The following INPP4B variants were observed in gnomAD, a reference collection of about 807,000 sequenced individuals.
The protein encoded by INPP4B is inositol polyphosphate-4-phosphatase type II B, also known as inositol polyphosphate 4-phosphatase type II.
In INPP4B, 55 loss-of-function variants were observed where a neutral mutation model predicts 122.5. The ratio of observed to expected loss-of-function variants is 0.45; its 90% CI spans 0.36 to 0.56. The LOEUF (loss-of-function observed/expected upper bound fraction) is 0.56, where lower values mean the gene tolerates loss of function less well. Ranked by LOEUF, INPP4B falls within the 20% of genes least tolerant of loss-of-function variation. INPP4B has a pLI of 0.00. For synonymous variants in INPP4B, 403 were observed against 388.7 expected (o/e 1.04, Z -0.43); for missense variants, 1,000 against 1,097.7 (o/e 0.91, Z 1.26).
chr4:142,396,223 G>A (rs533894050), intron 7 of INPP4B, among the ~76,000 whole-genome samples: 13 of 152,128 alleles, frequency 8.5e-5, no homozygotes, highest in African/African-American at 3.1e-4. Context: ...TACAACAAAA[G>A]CACTTGTATC....
At chr4:142,329,688 G>T (rs1273933921) in intron 7 of INPP4B, among the ~76,000 whole-genome samples, 3 of 152,138 alleles carry the variant, frequency 2.0e-5, no homozygotes, top group African/African-American at 7.2e-5. Context: ...GTAGCCTTGA[G>T]TTGTTTCCAA....
chr4:142,757,533 G>C (rs1770677820), intron 1 of INPP4B, among the ~76,000 whole-genome samples: 1 of 152,068 alleles, frequency 6.6e-6, no homozygotes, highest in Non-Finnish European at 1.5e-5. Context: ...GAATCATACA[G>C]CATATAACCT....
chr4:142,179,472 C>CAAAAA (rs71586262), intron 15 of INPP4B, among the ~76,000 whole-genome samples: 1 of 73,106 alleles, frequency 1.4e-5, no homozygotes, highest in Admixed American at 1.8e-4. Flanking sequence ...AACTCCATCT[C>CAAAAA]AAAAAAAAAA....
At chr4:142,583,705 A>G (rs1044551376) in intron 2 of INPP4B, 5 of 152,132 alleles carry the variant, frequency 3.3e-5, no homozygotes, top group Non-Finnish European at 7.4e-5. Context: ...TGAATATTTA[A>G]TTTAACAAGT....
intron 1 of INPP4B, among the ~76,000 whole-genome samples, chr4:142,773,474 C>A (rs1451343127): frequency 2.0e-5 from 3 of 152,158 alleles, no homozygotes; most frequent in African/African-American, 4.8e-5. Context: ...TATGCACACA[C>A]ACAAATGTAC....
intron 1 of INPP4B, among the ~76,000 whole-genome samples, chr4:142,813,218 C>A (rs994171388): frequency 7.2e-5 from 11 of 152,150 alleles, no homozygotes; most frequent in Admixed American, 4.6e-4. Flanking sequence ...ACCTTATAAC[C>A]TTTTCATAAA....
At chr4:142,290,830 A>C (rs7677512) in intron 9 of INPP4B, among the ~76,000 whole-genome samples, 6,929 of 152,190 alleles carry the variant, frequency 0.046, 511 homozygotes, top group African/African-American at 0.16. Flanking sequence ...CTGGAGCTGG[A>C]TATTTATTTT....
chr4:142,713,764 T>C (rs979959842), intron 2 of INPP4B, among the ~76,000 whole-genome samples: 2 of 152,162 alleles, frequency 1.3e-5, no homozygotes, highest in South Asian at 2.1e-4. Flanking sequence ...TTAGGAAATA[T>C]GTGCTGGCCT....
At chr4:142,835,960 G>A (rs1167091137) in intron 1 of INPP4B, among the ~76,000 whole-genome samples, 1 of 152,034 alleles carries the variant, frequency 6.6e-6, no homozygotes, top group East Asian at 1.9e-4. Context: ...TGGGGCATAG[G>A]GTATGGTGCG....
At chr4:142,670,176 G>A (rs548080122) in intron 2 of INPP4B, among the ~76,000 whole-genome samples, 1 of 152,138 alleles carries the variant, frequency 6.6e-6, no homozygotes, top group Non-Finnish European at 1.5e-5. Flanking sequence ...CATAGTATGT[G>A]TAGGGTTTGG....
chr4:142,303,818 T>C (rs3775692), intron 9 of INPP4B, among the ~76,000 whole-genome samples: 53,639 of 152,022 alleles, frequency 0.35, 13,757 homozygotes, highest in African/African-American at 0.73. Flanking sequence ...ATTTGTCTTG[T>C]TTTCATCTAA....
At chr4:142,455,784 GT>G (rs1815288169) in intron 3 of INPP4B, among the ~76,000 whole-genome samples, 2 of 151,916 alleles carry the variant, frequency 1.3e-5, no homozygotes, top group African/African-American at 4.8e-5. Flanking sequence ...GTGTATGGGG[GT>G]TCCCTTTCTG....
chr4:142,692,823 C>A (rs776980170), intron 2 of INPP4B, among the ~76,000 whole-genome samples: 2 of 151,788 alleles, frequency 1.3e-5, no homozygotes, highest in Admixed American at 6.6e-5. Flanking sequence ...TTGTCCCTGG[C>A]AAATTCTGGT....
intron 2 of INPP4B, among the ~76,000 whole-genome samples, chr4:142,642,729 T>G (rs956734887): frequency 2.6e-5 from 4 of 152,326 alleles, no homozygotes; most frequent in African/African-American, 4.8e-5. Context: ...TCTTTTGGCT[T>G]AGGATTGACT....
At chr4:142,582,737 G>A (rs867257443) in intron 2 of INPP4B, among the ~76,000 whole-genome samples, 11 of 152,256 alleles carry the variant, frequency 7.2e-5, no homozygotes, top group Non-Finnish European at 1.3e-4. Flanking sequence ...GCACAGTGCA[G>A]CTTCCCCATC....
intron 3 of INPP4B, among the ~76,000 whole-genome samples, chr4:142,437,018 C>T (rs894719111): frequency 1.3e-5 from 2 of 151,952 alleles, no homozygotes; most frequent in Admixed American, 1.3e-4. Context: ...GAACCATGAT[C>T]AAATGTTACA....
At chr4:142,430,093 A>G (rs16998552) in intron 4 of INPP4B, among the ~76,000 whole-genome samples, 8,068 of 152,194 alleles carry the variant, frequency 0.053, 733 homozygotes, top group African/African-American at 0.18. Context: ...TGGTGCATTC[A>G]TCAGATACTA....
At chr4:142,559,854 C>T (rs1449384596) in intron 2 of INPP4B, among the ~76,000 whole-genome samples, 1 of 151,986 alleles carries the variant, frequency 6.6e-6, no homozygotes, top group Non-Finnish European at 1.5e-5. Context: ...GATCTTCTTC[C>T]TATTATTATG....
intron 8 of INPP4B, among the ~76,000 whole-genome samples, chr4:142,313,140 C>T (rs1766189965): frequency 6.6e-6 from 1 of 152,034 alleles, no homozygotes; most frequent in Non-Finnish European, 1.5e-5. Flanking sequence ...AAAAGAGACT[C>T]AAGGTTTAAA....
Sources: allele counts gnomAD v4.1 joint callset (sites outside exome capture counted in the v4.1 genomes callset), GRCh38; gene constraint gnomAD v4.1.1; transcripts MANE v1.5; gene names NCBI Gene and HGNC (gene_info 2026-07-23, HGNC 2026-07-21).